ACOT7: variants seen among roughly 807,000 people sequenced by gnomAD.
The protein encoded by ACOT7 is cytosolic acyl coenzyme A thioester hydrolase.
ACOT7 carries 12 observed loss-of-function variants against 40.2 expected under a neutral mutation model. That is an observed-to-expected ratio of 0.30 (90% confidence interval 0.19 to 0.48). The LOEUF is 0.48. Ranked by LOEUF, ACOT7 falls within the 20% of genes least tolerant of loss-of-function variation. The probability of loss-of-function intolerance (pLI) is 0.99; values close to 1 mark genes in which losing one functional copy is unlikely to be tolerated. For missense variants in ACOT7, 395 were observed against 530.8 expected (o/e 0.74, Z 2.51); for synonymous variants, 228 against 219.5 (o/e 1.04, Z -0.34).
intron 1 of ACOT7, among the ~76,000 whole-genome samples, chr1:6,354,632 A>G (rs573833583): frequency 6.2e-4 from 88 of 142,216 alleles, no homozygotes; most frequent in Middle Eastern, 3.8e-3. Flanking sequence ...CTCACTCCCC[A>G]TGGCCTCTGC....
At chr1:6,336,273 GTAGTGAGC>G (rs1345281937) in intron 3 of ACOT7, among the ~76,000 whole-genome samples, 3 of 141,274 alleles carry the variant, frequency 2.1e-5, no homozygotes, top group African/African-American at 8.0e-5. Context: ...GGCGGAGGTT[GTAGTGAGC>G]CGAGATTGCG....
At chr1:6,388,644 AGAG>A (rs1287321500) in intron 1 of ACOT7, among the ~76,000 whole-genome samples, 4 of 137,070 alleles carry the variant, frequency 2.9e-5, no homozygotes, top group Admixed American at 2.9e-4. Flanking sequence ...GAAGCTGAGG[AGAG>A]GAGAATTGCT....
chr1:6,347,412 A>G lies in ACOT7; in HGVS notation c.261+2337T>C, dbSNP rs148168236. ...CCATCTGCCTCCCCAGGTGGCCTCA[A>G]GCAAGTGTTCAATCTCTCTGTACCT... is the stretch of plus-strand genomic sequence containing the variant. On this transcript the variant is annotated intron_variant, in intron 2 of 8. Transcript: ENST00000361521. Among the ~76,000 whole-genome samples, 1,385 of 152,330 alleles carry G rather than the reference A, an allele frequency of 9.1e-3. 14 individuals carry two copies. The highest frequency in any genetic ancestry group is 0.016 in the Non-Finnish European group (1,057 of 68,030).
At chr1:6,339,362 C>T (rs1641197119) in intron 3 of ACOT7, 71 bp downstream of exon 3, 2 of 1,605,238 alleles carry the variant, frequency 1.2e-6, no homozygotes, top group Non-Finnish European at 1.7e-6. Flanking sequence ...CGTCCTCTGC[C>T]CTCAGGAGGG....
chr1:6,319,776 G>A (rs1002036908), intron 5 of ACOT7, among the ~76,000 whole-genome samples: 7 of 152,236 alleles, frequency 4.6e-5, no homozygotes, highest in African/African-American at 9.6e-5. Context: ...GTCCTGGCAG[G>A]TCACCTAGCC....
intron 8 of ACOT7, among the ~76,000 whole-genome samples, chr1:6,268,071 C>T (rs1027727734): frequency 6.6e-6 from 1 of 152,166 alleles, no homozygotes; most frequent in Non-Finnish European, 1.5e-5. Context: ...AGTGGATTGG[C>T]GGTTGCCTGG....
At chr1:6,336,549 G>C (rs1229755412) in intron 3 of ACOT7, among the ~76,000 whole-genome samples, 1 of 152,072 alleles carries the variant, frequency 6.6e-6, no homozygotes, top group African/African-American at 2.4e-5. Flanking sequence ...CAGGTAAAGG[G>C]GACACACAGA....
intron 7 of ACOT7, among the ~76,000 whole-genome samples, chr1:6,284,672 C>T (rs1639453061): frequency 6.6e-6 from 1 of 152,074 alleles, no homozygotes; most frequent in African/African-American, 2.4e-5. Flanking sequence ...CAAATCCTCT[C>T]CGCCTCCTCC....
At chr1:6,385,910 T>A in intron 1 of ACOT7, 1 of 1,148,592 alleles carries the variant, frequency 8.7e-7, no homozygotes, top group Admixed American at 3.1e-5. Context: ...AAGGAATCCA[T>A]GACTCGGCCT....
Position 6,338,534 on chromosome 1 carries a change from C to A in ACOT7, c.418+899G>T, listed in dbSNP as rs966862418. On this transcript the variant is annotated intron_variant, in intron 3 of 8. Transcript: ENST00000361521. This position sits in a 1 kb window ranked among gnomAD's most constrained non-coding sequence, Gnocchi z 4.4. ...TGCTCAGCTCCATCTGCCCACCTGC[C>A]GGAGCTGGGCTGACACAGCCATTCT... is the stretch of plus-strand genomic sequence containing the variant. Among the ~76,000 whole-genome samples, 1 of 152,194 alleles carries A rather than the reference C, an allele frequency of 6.6e-6. No homozygotes were observed. The highest frequency in any genetic ancestry group is 1.5e-5 in the Non-Finnish European group (1 of 68,040).
intron 1 of ACOT7, among the ~76,000 whole-genome samples, chr1:6,383,539 G>GTTT (rs201588214): frequency 0.02 from 2,827 of 143,234 alleles, 59 homozygotes; most frequent in African/African-American, 0.039. Flanking sequence ...TTTTAACACA[G>GTTT]TTTTTTTTTT....
intron 8 of ACOT7, among the ~76,000 whole-genome samples, chr1:6,273,260 C>T (rs771716091): frequency 1.1e-4 from 17 of 152,172 alleles, no homozygotes; most frequent in East Asian, 1.9e-4. Context: ...AGAGGGAAGG[C>T]GAGAGCCAGG....
At chr1:6,331,987 G>A (rs78599242) in intron 4 of ACOT7, among the ~76,000 whole-genome samples, 1 of 152,162 alleles carries the variant, frequency 6.6e-6, no homozygotes, top group East Asian at 1.9e-4. Context: ...GTGACCGGGG[G>A]GCCACGGGAA....
chr1:6,323,971 G>A (rs1228123389), intron 5 of ACOT7, among the ~76,000 whole-genome samples: 2 of 151,946 alleles, frequency 1.3e-5, no homozygotes, highest in Non-Finnish European at 2.9e-5. Flanking sequence ...CCAGGGCAGA[G>A]ACGGAGGGTC....
Position 6,333,520 on chromosome 1 carries a change from G to A in ACOT7, c.467C>T (p.Ser156Leu), listed in dbSNP as rs1381160910. ...NKATLWYVPL[S>L]LKNVDKVLEV... ...GAGGACCTTGTCCACATTCTTCAGC[G>A]ACAGGGGCACATACCACAGGGTGGC... Residue 156 changes from serine to leucine, a missense_variant, in exon 4 of 9, where the codon TCG becomes TTG. Coordinates refer to ENST00000361521, the MANE Select transcript of ACOT7 (RefSeq NM_007274.4). 8 of 1,614,232 alleles carry A rather than the reference G, an allele frequency of 5.0e-6. No individual in the cohort carries two copies. Among genetic ancestry groups the A allele is most frequent in the Admixed American group, 1.7e-5 (1 of 60,028 alleles).
intron 4 of ACOT7, 151 bp downstream of exon 4, chr1:6,333,326 A>G (rs1641011454): frequency 2.5e-6 from 2 of 807,544 alleles, no homozygotes; most frequent in Admixed American, 4.7e-5. Context: ...CCCAGAGGGG[A>G]CACTGCCTGC....
At chr1:6,313,092 T>C (rs1368966906) in intron 6 of ACOT7, among the ~76,000 whole-genome samples, 1 of 152,170 alleles carries the variant, frequency 6.6e-6, no homozygotes, top group Non-Finnish European at 1.5e-5. Flanking sequence ...GCCAGAACCA[T>C]GGCTCTCAAT....
chr1:6,307,908 G>T (rs1177958105), intron 6 of ACOT7, among the ~76,000 whole-genome samples: 2 of 151,626 alleles, frequency 1.3e-5, no homozygotes, highest in African/African-American at 2.4e-5. Context: ...CTACAACTGG[G>T]CAGAGGGAAC....
rs551400653 is a variant in ACOT7 at position 6,288,522 on chromosome 1, C to T, written c.829+6342G>A. Among the ~76,000 whole-genome samples the T allele has an allele frequency of 1.4e-4, 22 of 152,142 alleles. No individual in the cohort carries two copies. The highest frequency in any genetic ancestry group is 2.1e-4 in the Non-Finnish European group (14 of 68,024). On this transcript the variant is annotated intron_variant, in intron 7 of 8. Coordinates refer to ENST00000361521, the MANE Select transcript of ACOT7 (RefSeq NM_007274.4). This position sits in a 1 kb window ranked among gnomAD's most constrained non-coding sequence, Gnocchi z 4.3. ...GGCTCAAGCTGAATGTGGCATGTCACGGGGAGCCACGGAGGCTGTGAGCAG... is the reference window on the plus strand; with the variant it reads ...GGCTCAAGCTGAATGTGGCATGTCATGGGGAGCCACGGAGGCTGTGAGCAG...
Sources: gnomAD v4.1 joint callset for allele counts (sites outside exome capture counted in the v4.1 genomes callset) on GRCh38, gnomAD v4.1.1 for gene constraint, Gnocchi (gnomAD v3.1) non-coding constraint, MANE v1.5 for transcripts, NCBI Gene and HGNC (gene_info 2026-07-23, HGNC 2026-07-21) for gene names.